Variants in NCKAP5 observed in about 807,000 individuals in gnomAD.
The protein encoded by NCKAP5 is NCK associated protein 5.
A neutral mutation model predicts 167.0 loss-of-function variants in NCKAP5; 92 were observed. That is an observed-to-expected ratio of 0.55 (90% CI 0.47 to 0.66). NCKAP5 has a LOEUF of 0.66. Among genes scored for constraint, NCKAP5 ranks in the 30% least tolerant of loss-of-function variants. NCKAP5 has a pLI of 0.00. For missense variants in NCKAP5, 2,378 were observed against 2,315.0 expected (o/e 1.03, Z -0.56); for synonymous variants, 891 against 877.4 (o/e 1.02, Z -0.27).
intron 11 of NCKAP5, among the ~76,000 whole-genome samples, chr2:132,825,615 G>A (rs1485210722): frequency 2.6e-5 from 4 of 152,204 alleles, no homozygotes; most frequent in African/African-American, 9.6e-5. Context: ...TATGGGAGAG[G>A]AAAGAGAACA....
chr2:133,220,791 C>T (rs1446655779), intron 4 of NCKAP5, among the ~76,000 whole-genome samples: 3 of 152,136 alleles, frequency 2.0e-5, no homozygotes, highest in Admixed American at 6.5e-5. Flanking sequence ...CCATCTGTTG[C>T]GAGAGTGTCC....
intron 6 of NCKAP5, among the ~76,000 whole-genome samples, chr2:133,102,605 T>A (rs1282378555): frequency 6.6e-6 from 1 of 152,224 alleles, no homozygotes; most frequent in Non-Finnish European, 1.5e-5. Flanking sequence ...CTCTTAAGGA[T>A]CTTTATTCCA....
At chr2:133,233,539 G>A (rs543121029) in intron 4 of NCKAP5, among the ~76,000 whole-genome samples, 1 of 152,104 alleles carries the variant, frequency 6.6e-6, no homozygotes, top group South Asian at 2.1e-4. Context: ...GAATATAGAT[G>A]CTTCCTATTT....
chr2:133,124,998 G>T (rs1180875012), intron 6 of NCKAP5, among the ~76,000 whole-genome samples: 2 of 152,104 alleles, frequency 1.3e-5, no homozygotes, highest in East Asian at 1.9e-4. Context: ...GCGAGGTGAG[G>T]CTGCACCACT....
At chr2:133,254,413 C>T (rs187161957) in intron 4 of NCKAP5, among the ~76,000 whole-genome samples, 41 of 152,146 alleles carry the variant, frequency 2.7e-4, no homozygotes, top group Admixed American at 2.4e-3. Context: ...TCAGATACTT[C>T]GACGAGGCTG....
At chr2:132,791,011 T>C (rs1184190435) in intron 12 of NCKAP5, among the ~76,000 whole-genome samples, 1 of 152,168 alleles carries the variant, frequency 6.6e-6, no homozygotes, top group East Asian at 1.9e-4. Flanking sequence ...CAAAAGCATG[T>C]AAACTGGCTG....
chr2:132,773,994 G>T, intron 15 of NCKAP5, 100 bp from the exon 16 acceptor site: 1 of 938,286 alleles, frequency 1.1e-6, no homozygotes. Flanking sequence ...AAATATGTGG[G>T]CATAGGTGTG....
intron 5 of NCKAP5, among the ~76,000 whole-genome samples, chr2:133,185,849 G>A (rs2084925098): frequency 6.6e-6 from 1 of 152,056 alleles, no homozygotes; most frequent in Non-Finnish European, 1.5e-5. Flanking sequence ...TCAGTTCTGG[G>A]AGCCTTTTGG....
At chr2:132,787,875 A>G (rs1683718311) in intron 13 of NCKAP5, among the ~76,000 whole-genome samples, 1 of 152,144 alleles carries the variant, frequency 6.6e-6, no homozygotes, top group Non-Finnish European at 1.5e-5. Context: ...GTACCCCACA[A>G]GAGCTTGAAA....
chr2:133,564,425 C>T (rs1039654489), intron 1 of NCKAP5, among the ~76,000 whole-genome samples: 1 of 152,062 alleles, frequency 6.6e-6, no homozygotes, highest in Admixed American at 6.6e-5. Flanking sequence ...TCATTGTGTG[C>T]CAGGTGCTGA....
chr2:132,790,009 C>A lies in NCKAP5; in HGVS notation c.1092+14G>T, dbSNP rs1261736510. On this transcript the variant is annotated intron_variant, in intron 13 of 19. Transcript: ENST00000409261. ...GATTCTTTTCTGGTTCATTCCGATG[C>A]CACAGTGCCTTACCCTTTTCCTGAG... is the stretch of plus-strand genomic sequence containing the variant. 1.2e-6 allele frequency: 2 copies of A among 1,601,738 alleles called. No individual in the cohort carries two copies. Among genetic ancestry groups the A allele is most frequent in the East Asian group, 2.2e-5 (1 of 44,530 alleles).
At chr2:133,644,552 A>C in the NCKAP5 span, among the ~76,000 whole-genome samples, 3 of 152,200 alleles carry the variant, frequency 2.0e-5, no homozygotes, top group Non-Finnish European at 4.4e-5. Context: ...AGAACATTTC[A>C]GCTCTAGACA....
At chr2:133,325,936 AAAG>A (rs1433578383) in intron 3 of NCKAP5, among the ~76,000 whole-genome samples, 2 of 152,226 alleles carry the variant, frequency 1.3e-5, no homozygotes, top group South Asian at 2.1e-4. Context: ...ATGTCATCAA[AAAG>A]AAGTTGTTGA....
At position 132,728,819 on chromosome 2, in the gene NCKAP5, G is replaced by A. The variant is rs974558955; in HGVS notation, c.5577C>T (p.Thr1859=). The change falls in exon 18 of 20, where the codon ACC becomes ACT. Residue 1859 remains threonine (T), a synonymous_variant. Coordinates refer to ENST00000409261, the MANE Select transcript of NCKAP5 (RefSeq NM_207363.3). ...DWGSEVAATG[T]QDKAPRMCTY... ...TTCACCTCCCCCGACCCCTCACCTG[G>A]GTCCCGGTGGCAGCAACTTCACTCC... The A allele has an allele frequency of 1.2e-6, 2 of 1,613,716 alleles. No individual in the cohort carries two copies. The highest frequency in any genetic ancestry group is 2.7e-5 in the African/African-American group (2 of 75,010).
intron 3 of NCKAP5, among the ~76,000 whole-genome samples, chr2:133,423,999 C>T (rs1443518146): frequency 1.3e-5 from 2 of 152,120 alleles, no homozygotes; most frequent in Non-Finnish European, 2.9e-5. Flanking sequence ...AGTTAGAAAG[C>T]AACTGGTATT....
intron 8 of NCKAP5, among the ~76,000 whole-genome samples, chr2:132,893,887 C>T (rs983151252): frequency 3.3e-5 from 5 of 152,142 alleles, no homozygotes; most frequent in African/African-American, 1.2e-4. Flanking sequence ...ATTTCACACA[C>T]ACACACATAC....
At chr2:132,700,206 T>G (rs890968502) in intron 19 of NCKAP5, among the ~76,000 whole-genome samples, 14 of 152,188 alleles carry the variant, frequency 9.2e-5, no homozygotes, top group African/African-American at 3.1e-4. Context: ...GTTTAAGTTC[T>G]TTGTAGATTC....
intron 6 of NCKAP5, among the ~76,000 whole-genome samples, chr2:133,067,716 G>C (rs1386354551): frequency 1.3e-5 from 2 of 152,228 alleles, no homozygotes; most frequent in African/African-American, 2.4e-5. Context: ...AAGGACCTGA[G>C]AAGGCAAGCT....
At chr2:133,661,972 T>C in the NCKAP5 span, among the ~76,000 whole-genome samples, 3 of 151,798 alleles carry the variant, frequency 2.0e-5, no homozygotes, top group South Asian at 4.1e-4. Context: ...AACTAACTTA[T>C]ATTGTCAAAA....
Sources: allele counts gnomAD v4.1 joint callset (sites outside exome capture counted in the v4.1 genomes callset), GRCh38; gene constraint gnomAD v4.1.1; transcripts MANE v1.5; gene names NCBI Gene and HGNC (gene_info 2026-07-23, HGNC 2026-07-21).